FOXM1: variants seen among roughly 807,000 people sequenced by gnomAD.
The protein encoded by FOXM1 is forkhead box protein M1.
FOXM1 carries 25 observed loss-of-function variants against 63.6 expected under a neutral mutation model. That is an observed-to-expected ratio of 0.39 (90% confidence interval 0.29 to 0.55). The LOEUF (loss-of-function observed/expected upper bound fraction) is 0.55. Ranked by LOEUF, FOXM1 falls within the 20% of genes least tolerant of loss-of-function variation. FOXM1 has a pLI of 0.60. For synonymous variants in FOXM1, 387 were observed against 376.9 expected (o/e 1.03, Z -0.31); for missense variants, 879 against 958.7 (o/e 0.92, Z 1.10).
In FOXM1 at chr12:2,864,207, C is replaced by G; in HGVS notation, c.1266+113G>C. The G allele has an allele frequency of 5.2e-6, 5 of 952,416 alleles. No homozygotes were observed. Among genetic ancestry groups the G allele is most frequent in the Admixed American group, 4.6e-5 (2 of 43,878 alleles). The allele number at this position is 952,416 out of a possible 1,614,324, so 59.0% of individuals were successfully genotyped here. A position where few individuals can be genotyped will look rare whatever the true frequency, so the allele number is the denominator to read the frequency against. On this transcript the variant is annotated intron_variant, in intron 8 of 8. Coordinates refer to ENST00000359843, the MANE Select transcript of FOXM1 (RefSeq NM_021953.4). The surrounding 1 kb of genome is among the most constrained non-coding windows in gnomAD (Gnocchi z 5.1). ...TCCCTATGTTTTTATGCCTTTTCTA[C>G]CCAACTAGATTTATAAGCTCTCAAG...
rs1201017371 is a variant in FOXM1 at position 2,872,540 on chromosome 12, C to T, written c.503-293G>A. Among the ~76,000 whole-genome samples the T allele has an allele frequency of 6.6e-6, 1 of 152,086 alleles. No individual in the cohort carries two copies. The highest frequency in any genetic ancestry group is 1.9e-4 in the East Asian group (1 of 5,188). ...AGGAGAATTGCTCGAACCCGGGAGA[C>T]GAAGGCTGCAGTGAGCCAACATTGC... On this transcript the variant is annotated intron_variant, in intron 2 of 8. Transcript: ENST00000359843. This position sits in a 1 kb window ranked among gnomAD's most constrained non-coding sequence, Gnocchi z 4.0.
chr12:2,874,454 G>A lies in FOXM1; in HGVS notation c.25C>T (p.Leu9=), dbSNP rs776519098. The change falls in exon 2 of 9, where the codon CTG becomes TTG. Residue 9 remains leucine, a synonymous_variant. Transcript: ENST00000359843. The surrounding 1 kb of genome is among the most constrained non-coding windows in gnomAD (Gnocchi z 4.3). MKTSPRRP[L]ILKRRRLPLP... ...GGCAGCCTCCGTCTTTTGAGAATCA[G>A]TGGCCGACGGGGGCTAGTTTTCATT... 1.2e-6 allele frequency: 2 copies of A among 1,611,194 alleles called. No individual in the cohort carries two copies. The highest frequency in any genetic ancestry group is 4.5e-5 in the East Asian group (2 of 44,818).
rs1196602672 is a variant in FOXM1 at position 2,864,232 on chromosome 12, G to A, written c.1266+88C>T. 54 of 1,193,776 alleles carry A rather than the reference G, an allele frequency of 4.5e-5. No individual in the cohort carries two copies. The highest frequency in any genetic ancestry group is 6.3e-5 in the Non-Finnish European group (53 of 839,870). 73.9% of individuals were successfully genotyped at this position (1,193,776 alleles called of 1,614,324 possible). A position where few individuals can be genotyped will look rare whatever the true frequency, so the allele number is the denominator to read the frequency against. On this transcript the variant is annotated intron_variant, in intron 8 of 8. Coordinates refer to ENST00000359843, the MANE Select transcript of FOXM1 (RefSeq NM_021953.4). This position sits in a 1 kb window ranked among gnomAD's most constrained non-coding sequence, Gnocchi z 5.1. ...CCCAACTAGATTTATAAGCTCTCAA[G>A]GAACACTTATCAGAGTGCTTTGCAA...
Position 2,874,428 on chromosome 12 carries a change from G to A in FOXM1, c.51C>T (p.Pro17=), listed in dbSNP as rs2098138501. The change falls in exon 2 of 9, where the codon CCC becomes CCT. Residue 17 remains proline (P), a synonymous_variant. Transcript: ENST00000359843. The surrounding 1 kb of genome is among the most constrained non-coding windows in gnomAD (Gnocchi z 4.3). Reference sequence around the variant, plus strand: ...CACTTGGGGCATTTTGAACAGGAAGGGGCAGCCTCCGTCTTTTGAGAATCA... The same window carrying A: ...CACTTGGGGCATTTTGAACAGGAAGAGGCAGCCTCCGTCTTTTGAGAATCA... ...RPLILKRRRL[P]LPVQNAPSET... is the part of the protein sequence containing the mutation. 6.2e-7 allele frequency: 1 copy of A among 1,613,844 alleles called. No homozygotes were observed. The highest frequency in any genetic ancestry group is 1.1e-5 in the South Asian group (1 of 91,050).
chr12:2,871,903 A>G (rs2098133840), intron 3 of FOXM1, among the ~76,000 whole-genome samples, 193 bp downstream of exon 3: 1 of 152,160 alleles, frequency 6.6e-6, no homozygotes, highest in African/African-American at 2.4e-5. Context: ...TCTGCCCTCA[A>G]GGAAATTTCA....
chr12:2,860,888 G>T (rs1253822356), intron 8 of FOXM1, among the ~76,000 whole-genome samples: 1 of 147,648 alleles, frequency 6.8e-6, no homozygotes, highest in African/African-American at 2.6e-5. Flanking sequence ...ACTCTCACAG[G>T]CTGGGCGTGG....
In FOXM1 at chr12:2,859,629, G is replaced by T; in HGVS notation, c.1301C>A (p.Ser434Tyr). 6.2e-7 allele frequency: 1 copy of T among 1,611,694 alleles called. No individual in the cohort carries two copies. The highest frequency in any genetic ancestry group is 8.5e-7 in the Non-Finnish European group (1 of 1,179,438). Residue 434 changes from serine to tyrosine, a missense_variant, in exon 9 of 9, where the codon TCT becomes TAT. Around this residue, in one of 4 missense-constraint regions of FOXM1, gnomAD observed 486 missense variants for 453.5 expected, o/e 1.07. Coordinates refer to ENST00000359843, the MANE Select transcript of FOXM1 (RefSeq NM_021953.4). The stretch of plus-strand genomic sequence containing the variant: ...CTCCTCTTTCCCTGGTCCTGCAGAA[G>T]AAAGAGGAGCTATCCCCTCCTCAGC... ...LLAEEGIAPL[S>Y]SAGPGKEEKL...
At chr12:2,863,488 A>G (rs2098117684) in intron 8 of FOXM1, among the ~76,000 whole-genome samples, 1 of 150,994 alleles carries the variant, frequency 6.6e-6, no homozygotes, top group African/African-American at 2.4e-5. Context: ...TCCTGGACTC[A>G]AGTGATCCTT....
intron 1 of FOXM1, among the ~76,000 whole-genome samples, chr12:2,875,520 AAT>A: frequency 6.6e-6 from 1 of 152,214 alleles, no homozygotes; most frequent in Non-Finnish European, 1.5e-5. Flanking sequence ...TACTTGCTCT[AAT>A]TTAAAAAGCA....
Position 2,858,971 on chromosome 12 carries a change from G to A in FOXM1, c.1959C>T (p.Pro653=). 6.2e-7 allele frequency: 1 copy of A among 1,613,526 alleles called. No homozygotes were observed. The change falls in exon 9 of 9, where the codon CCC becomes CCT. Residue 653 remains proline, a synonymous_variant. Transcript: ENST00000359843. ...TGGTGCTGAGATCCATCAGCCCCAG[G>A]GGGTCAGGCAAGGGGTCAGAGGCAC... ...SQGASDPLPD[P]LGLMDLSTTP...
intron 3 of FOXM1, among the ~76,000 whole-genome samples, 193 bp from the exon 4 acceptor site, chr12:2,868,947 AG>A (rs2098128289): frequency 1.3e-5 from 2 of 152,218 alleles, no homozygotes; most frequent in Admixed American, 1.3e-4. Context: ...CCTAGACCCT[AG>A]CCAATAAGAA....
At chr12:2,868,394 G>T in intron 4 of FOXM1, 169 bp downstream of exon 4, 1 of 530,484 alleles carries the variant, frequency 1.9e-6, no homozygotes. Flanking sequence ...TCTTCTTAAT[G>T]ATTTTGCCTG....
chr12:2,869,866 T>G (rs2098129933), intron 3 of FOXM1, among the ~76,000 whole-genome samples: 1 of 149,276 alleles, frequency 6.7e-6, no homozygotes, highest in Non-Finnish European at 1.5e-5. Flanking sequence ...GGATTACAAT[T>G]GTCAGCCGCT....
chr12:2,871,998 T>G, intron 3 of FOXM1, 98 bp downstream of exon 3: 5 of 1,285,394 alleles, frequency 3.9e-6, no homozygotes, highest in South Asian at 1.2e-5. Context: ...ATACCAGAAC[T>G]TGGAAATTCT....
chr12:2,872,960 G>A lies in FOXM1; in HGVS notation c.503-713C>T, dbSNP rs546338226. 1.2e-4 allele frequency among the ~76,000 whole-genome samples: 19 copies of A among 152,222 alleles called. No homozygotes were observed. Among genetic ancestry groups the A allele is most frequent in the African/African-American group, 4.6e-4 (19 of 41,544 alleles). On this transcript the variant is annotated intron_variant, in intron 2 of 8. Transcript: ENST00000359843. The surrounding 1 kb of genome is among the most constrained non-coding windows in gnomAD (Gnocchi z 4.0). Reference sequence around the variant, plus strand: ...TCCCAGCTACTTGGGAGGCTGATGTGGGAGAATGGCTTGAGTCCAGGCATT... The same window carrying A: ...TCCCAGCTACTTGGGAGGCTGATGTAGGAGAATGGCTTGAGTCCAGGCATT...
rs1233288866 is a variant in FOXM1 at position 2,877,018 on chromosome 12, T to TCGCGCCGGACCGGCCGGGTCCC, written c.-168_-147dup. On this transcript the variant is annotated 5_prime_UTR_variant, in exon 1 of 9. Coordinates refer to ENST00000359843, the MANE Select transcript of FOXM1 (RefSeq NM_021953.4). ...CCGAGCCAGGGCCCCGGACGGGGGCTCGCGCCGGACCGGCCGGGTCCCCGG... is the reference window on the plus strand; with the variant it reads ...CCGAGCCAGGGCCCCGGACGGGGGCTCGCGCCGGACCGGCCGGGTCCCCGCGCCGGACCGGCCGGGTCCCCGG... The TCGCGCCGGACCGGCCGGGTCCC allele has an allele frequency of 6.6e-6, 1 of 150,926 alleles. No individual in the cohort carries two copies. Among genetic ancestry groups the TCGCGCCGGACCGGCCGGGTCCC allele is most frequent in the Non-Finnish European group, 1.5e-5 (1 of 67,718 alleles). 9.3% of individuals were successfully genotyped at this position (150,926 alleles called of 1,614,324 possible). A position where few individuals can be genotyped will look rare whatever the true frequency, so the allele number is the denominator to read the frequency against.
Position 2,858,992 on chromosome 12 carries a change from G to A in FOXM1, c.1938C>T (p.Ala646=). 1.2e-6 allele frequency: 2 copies of A among 1,613,364 alleles called. No homozygotes were observed. The highest frequency in any genetic ancestry group is 2.2e-5 in the East Asian group (1 of 44,854). Residue 646 remains alanine, a synonymous_variant, in exon 9 of 9, where the codon GCC becomes GCT. Transcript: ENST00000359843. ...DFSPVQTSQG[A]SDPLPDPLGL... ...CCAGGGGGTCAGGCAAGGGGTCAGAGGCACCCTGGGAGGTTTGTACTGGGC... is the reference window on the plus strand; with the variant it reads ...CCAGGGGGTCAGGCAAGGGGTCAGAAGCACCCTGGGAGGTTTGTACTGGGC...
Position 2,859,063 on chromosome 12 carries a change from A to T in FOXM1, c.1867T>A (p.Ser623Thr). 2 of 1,608,266 alleles carry T rather than the reference A, an allele frequency of 1.2e-6. No homozygotes were observed. The highest frequency in any genetic ancestry group is 1.7e-6 in the Non-Finnish European group (2 of 1,177,432). Residue 623 changes from serine to threonine, a missense_variant, in exon 9 of 9, where the codon TCC becomes ACC. Ser to Thr is a moderately conservative substitution (Grantham distance 58). Coordinates refer to ENST00000359843, the MANE Select transcript of FOXM1 (RefSeq NM_021953.4). ...TTGGCTGGGGGCGTGAGCCTCCAGG[A>T]TTCAGGGGTTCTGGGGAGGACAGAT... is the stretch of plus-strand genomic sequence containing the variant. ...SKSVLPRTPE[S>T]WRLTPPAKVG...
Position 2,873,398 on chromosome 12 carries a change from C to CAAA in FOXM1, c.502+576_502+578dup, listed in dbSNP as rs1189846694. 9.3e-4 allele frequency among the ~76,000 whole-genome samples: 54 copies of CAAA among 57,928 alleles called. 1 individual carries two copies. Among genetic ancestry groups the CAAA allele is most frequent in the South Asian group, 8.9e-3 (13 of 1,454 alleles). The allele number at this position is 57,928 out of a possible 152,430, so 38.0% of individuals were successfully genotyped here. A position where few individuals can be genotyped will look rare whatever the true frequency, so the allele number is the denominator to read the frequency against. ...TGGGCAACAGAGCAAGACTCCATCT[C>CAAA]AAAAAAAAAAAAAAAAAAAAGAAGG... On this transcript the variant is annotated intron_variant, in intron 2 of 8. Transcript: ENST00000359843.
Sources: gnomAD v4.1 joint callset for allele counts (sites outside exome capture counted in the v4.1 genomes callset) on GRCh38, gnomAD v4.1.1 for gene constraint, gnomAD v4.1.1 regional missense constraint, Gnocchi (gnomAD v3.1) non-coding constraint, MANE v1.5 for transcripts, NCBI Gene and HGNC (gene_info 2026-07-23, HGNC 2026-07-21) for gene names.